The following ATP8B4 variants were observed in gnomAD, a reference collection of about 807,000 sequenced individuals.
ATP8B4 encodes the protein ATPase phospholipid transporting 8B4 (putative).
Under a neutral mutation model 145.6 loss-of-function variants are expected in ATP8B4, and 133 were observed. The observed-to-expected ratio is 0.91, with a 90% CI of 0.79 to 1.05. The LOEUF is 1.05. ATP8B4 is among the 50% of genes least tolerant of loss of function. The pLI is 0.00. For synonymous variants in ATP8B4, 507 were observed against 492.9 expected, an observed-to-expected ratio of 1.03 and a Z score of -0.38; for missense variants, 1,458 against 1,425.2, an observed-to-expected ratio of 1.02 and a Z score of -0.37.
intron 3 of ATP8B4, among the ~76,000 whole-genome samples, chr15:50,071,304 G>C (rs2053718806): frequency 6.6e-6 from 1 of 152,116 alleles, no homozygotes; most frequent in African/African-American, 2.4e-5. Context: ...TAGGCAAATG[G>C]TATGTTGTTA....
intron 1 of ATP8B4, among the ~76,000 whole-genome samples, chr15:50,158,521 G>T (rs2044465218): frequency 6.6e-6 from 1 of 151,832 alleles, no homozygotes; most frequent in Non-Finnish European, 1.5e-5. Context: ...CCCAGTCCGG[G>T]AGGTGGGGGG....
intron 16 of ATP8B4, among the ~76,000 whole-genome samples, chr15:49,924,705 G>C (rs1276014162): frequency 6.6e-6 from 1 of 152,128 alleles, no homozygotes; most frequent in Non-Finnish European, 1.5e-5. Flanking sequence ...AAGCTTTTTA[G>C]GACTGGGCCT....
At chr15:50,077,191 C>T (rs1283571909) in intron 2 of ATP8B4, among the ~76,000 whole-genome samples, 1 of 152,130 alleles carries the variant, frequency 6.6e-6, no homozygotes, top group Non-Finnish European at 1.5e-5. Flanking sequence ...AGGAGTAAGG[C>T]AATATATAAG....
intron 1 of ATP8B4, among the ~76,000 whole-genome samples, chr15:50,107,842 C>T (rs2056757374): frequency 6.6e-6 from 1 of 152,088 alleles, no homozygotes; most frequent in South Asian, 2.1e-4. Context: ...AAGAACAACA[C>T]TTATGGCTTA....
intron 9 of ATP8B4, among the ~76,000 whole-genome samples, chr15:49,995,771 T>A (rs1293501617): frequency 6.6e-6 from 1 of 152,098 alleles, no homozygotes; most frequent in Non-Finnish European, 1.5e-5. Context: ...CATTAGTAAA[T>A]AAAGCCAATC....
At chr15:49,869,010 G>T (rs2033264625) in intron 25 of ATP8B4, among the ~76,000 whole-genome samples, 1 of 152,128 alleles carries the variant, frequency 6.6e-6, no homozygotes, top group Non-Finnish European at 1.5e-5. Flanking sequence ...CTGGGTTCAA[G>T]CGATTCTCCT....
intron 14 of ATP8B4, among the ~76,000 whole-genome samples, chr15:49,952,397 C>T (rs755424871): frequency 4.1e-4 from 63 of 152,028 alleles, no homozygotes; most frequent in African/African-American, 1.4e-3. Flanking sequence ...CCTTACTTTT[C>T]GTTCTTTTTT....
chr15:50,101,370 T>G lies in ATP8B4; in HGVS notation c.28+5569A>C, dbSNP rs34590877. 1.9e-3 allele frequency among the ~76,000 whole-genome samples: 282 copies of G among 152,128 alleles called. 3 individuals carry two copies. The highest frequency in any genetic ancestry group is 2.1e-3 in the Non-Finnish European group (142 of 67,992). On this transcript the variant is annotated intron_variant, in intron 2 of 27. Coordinates refer to ENST00000284509, the MANE Select transcript of ATP8B4 (RefSeq NM_024837.4). Reference sequence around the variant, plus strand: ...AACCTGTGTGTCATAAAGACTCACATAAACTTAAGGTAATGGGGTGGAAAA... The same window carrying G: ...AACCTGTGTGTCATAAAGACTCACAGAAACTTAAGGTAATGGGGTGGAAAA...
intron 13 of ATP8B4, among the ~76,000 whole-genome samples, chr15:49,967,294 T>A (rs2044643257): frequency 1.3e-5 from 2 of 152,106 alleles, no homozygotes; most frequent in African/African-American, 4.8e-5. Context: ...AGAAGTAGGC[T>A]TCAGAAGGTG....
At chr15:49,971,362 A>G (rs2045110437) in intron 13 of ATP8B4, among the ~76,000 whole-genome samples, 1 of 152,258 alleles carries the variant, frequency 6.6e-6, no homozygotes, top group African/African-American at 2.4e-5. Context: ...AATATTTTCA[A>G]TCTATCCATC....
intron 1 of ATP8B4, among the ~76,000 whole-genome samples, chr15:50,172,871 C>A (rs1223934466): frequency 2.0e-5 from 3 of 150,896 alleles, no homozygotes; most frequent in Non-Finnish European, 4.4e-5. Flanking sequence ...TCTGACCGGC[C>A]GCCCCGTCTG....
At chr15:50,093,922 T>G (rs192635012) in intron 2 of ATP8B4, among the ~76,000 whole-genome samples, 15 of 152,286 alleles carry the variant, frequency 9.8e-5, no homozygotes, top group African/African-American at 3.6e-4. Flanking sequence ...AAGATTGATC[T>G]TCCAGGACTA....
At chr15:50,150,444 AG>A (rs2153680750) in intron 1 of ATP8B4, among the ~76,000 whole-genome samples, 1 of 152,332 alleles carries the variant, frequency 6.6e-6, no homozygotes, top group African/African-American at 2.4e-5. Flanking sequence ...TTTCTCCAAA[AG>A]CATCACTGAT....
chr15:50,163,175 T>C (rs1416480330), intron 1 of ATP8B4, among the ~76,000 whole-genome samples: 1 of 152,238 alleles, frequency 6.6e-6, no homozygotes, highest in Non-Finnish European at 1.5e-5. Flanking sequence ...TTTCAGATGC[T>C]TGTGGAGTTT....
At chr15:50,099,661 AAAATAGACTGTAATCAT>A (rs1039535880) in intron 2 of ATP8B4, among the ~76,000 whole-genome samples, 3 of 152,186 alleles carry the variant, frequency 2.0e-5, no homozygotes, top group Non-Finnish European at 4.4e-5. Flanking sequence ...GAACAAACAG[AAAATAGACTGTAATCAT>A]AAATAGACTG....
chr15:50,173,488 G>C (rs925275906), intron 1 of ATP8B4, among the ~76,000 whole-genome samples: 2 of 152,126 alleles, frequency 1.3e-5, no homozygotes, highest in African/African-American at 4.8e-5. Flanking sequence ...ACAGACGCTT[G>C]AAGGCAGCAT....
At chr15:50,047,064 G>A (rs903668312) in intron 4 of ATP8B4, among the ~76,000 whole-genome samples, 3 of 152,218 alleles carry the variant, frequency 2.0e-5, no homozygotes, top group African/African-American at 7.2e-5. Context: ...GATAAAGAAA[G>A]GAGGGAGGCT....
chr15:49,979,518 G>T, intron 12 of ATP8B4, 99 bp downstream of exon 12: 1 of 995,964 alleles, frequency 1.0e-6, no homozygotes, highest in Non-Finnish European at 1.4e-6. Context: ...GCAGTTAAGA[G>T]CAAGACATCT....
intron 9 of ATP8B4, among the ~76,000 whole-genome samples, chr15:49,995,174 C>CT (rs775766273): frequency 7.9e-5 from 12 of 152,096 alleles, no homozygotes; most frequent in Non-Finnish European, 1.6e-4. Context: ...TCATGTTCTG[C>CT]TTTTTGATGA....
Sources: allele counts gnomAD v4.1 joint callset (sites outside exome capture counted in the v4.1 genomes callset), GRCh38; gene constraint gnomAD v4.1.1; transcripts MANE v1.5; gene names NCBI Gene and HGNC (gene_info 2026-07-23, HGNC 2026-07-21).